Variants in RPS27 observed in about 807,000 individuals in gnomAD.
RPS27 encodes the protein ribosomal protein S27.
A neutral mutation model predicts 11.8 loss-of-function variants in RPS27; 1 was observed. That is an observed-to-expected ratio of 0.08 (90% CI 0.03 to 0.40). The LOEUF (loss-of-function observed/expected upper bound fraction) is 0.40, where lower values mean the gene tolerates loss of function less well. RPS27 is among the 10% of genes least tolerant of loss of function. The pLI is 0.98. For synonymous variants in RPS27, 42 were observed against 33.8 expected (o/e 1.24, Z -0.84); for missense variants, 44 against 100.1 (o/e 0.44, Z 2.39).
chr1:153,991,621 T>G lies in RPS27; in HGVS notation c.171T>G (p.Val57=), dbSNP rs769511722. 1.9e-6 allele frequency: 3 copies of G among 1,613,572 alleles called. No homozygotes were observed. Among genetic ancestry groups the G allele is most frequent in the South Asian group, 1.1e-5 (1 of 91,070 alleles). The change falls in exon 3 of 4, where the codon GTT becomes GTG. Residue 57 remains valine, a synonymous_variant. Transcript: ENST00000651669. ...FSHAQTVVLC[V]GCSTVLCQPT... is the part of the protein sequence containing the mutation. ...ATGCACAAACGGTAGTTTTGTGTGT[T>G]GGCTGCTCCACTGTCCTCTGCCAGC... is the stretch of plus-strand genomic sequence containing the variant.
chr1:153,991,395 T>C, intron 2 of RPS27, 171 bp from the exon 3 acceptor site: 1 of 1,481,592 alleles, frequency 6.7e-7, no homozygotes, highest in Middle Eastern at 2.4e-4. Context: ...ACTGGCAAAG[T>C]TTTGCATCTT....
rs1437374109 is a variant in RPS27, at chr1:153,991,235, G to T, written c.115+12G>T. On this transcript the variant is annotated intron_variant, in intron 2 of 3. Coordinates refer to ENST00000651669, the MANE Select transcript of RPS27 (RefSeq NM_001030.6). Reference sequence around the variant, plus strand: ...TGTGAAATGCCCAGGTGAGGAGACGGCTTGCTGTAGTGGGGAAAGCACTGG... The same window carrying T: ...TGTGAAATGCCCAGGTGAGGAGACGTCTTGCTGTAGTGGGGAAAGCACTGG... The T allele has an allele frequency of 8.8e-6, 14 of 1,587,890 alleles. No homozygotes were observed. Among genetic ancestry groups the T allele is most frequent in the Non-Finnish European group, 1.2e-5 (14 of 1,163,760 alleles).
Position 153,991,463 on chromosome 1 carries a change from G to A in RPS27, c.116-103G>A, listed in dbSNP as rs1649400586. 5.9e-6 allele frequency: 8 copies of A among 1,357,004 alleles called. No homozygotes were observed. The South Asian group carries it at 8.7e-5, about 15-fold the overall frequency. The allele number at this position is 1,357,004 out of a possible 1,614,324, so 84.1% of individuals were successfully genotyped here. Reference sequence around the variant, plus strand: ...ATCACATTTCACATACAACCCCTACGTTTTTTTGTGTTGGGAAACAATGTA... The same window carrying A: ...ATCACATTTCACATACAACCCCTACATTTTTTTGTGTTGGGAAACAATGTA... On this transcript the variant is annotated intron_variant, in intron 2 of 3. Transcript: ENST00000651669.
chr1:153,992,122 A>G lies in RPS27; in HGVS notation c.*29A>G, dbSNP rs986728803. 6 of 1,574,586 alleles carry G rather than the reference A, an allele frequency of 3.8e-6. No individual in the cohort carries two copies. The African/African-American group carries it at 6.7e-5, about 18-fold the overall frequency. On this transcript the variant is annotated 3_prime_UTR_variant, in exon 4 of 4. Coordinates refer to ENST00000651669, the MANE Select transcript of RPS27 (RefSeq NM_001030.6). ...CACTCTGAGTCAAGATGAGTGGGAAACCATCTCAATAAACACATTTTGGAT... is the reference window on the plus strand; with the variant it reads ...CACTCTGAGTCAAGATGAGTGGGAAGCCATCTCAATAAACACATTTTGGAT...
Position 153,992,100 on chromosome 1 carries a change from TC to T in RPS27, c.*8del. The stretch of plus-strand genomic sequence containing the variant: ...CAGGAGGAAGCAGCACTAAAAGCAC[TC>T]TGAGTCAAGATGAGTGGGAAACCAT... On this transcript the variant is annotated 3_prime_UTR_variant, in exon 4 of 4. Coordinates refer to ENST00000651669, the MANE Select transcript of RPS27 (RefSeq NM_001030.6). 1 of 1,609,742 alleles carries T rather than the reference TC, an allele frequency of 6.2e-7. No individual in the cohort carries two copies. Among genetic ancestry groups the T allele is most frequent in the South Asian group, 1.1e-5 (1 of 91,012 alleles).
chr1:153,991,928 C>A, intron 3 of RPS27, 137 bp from the exon 4 acceptor site: 2 of 836,262 alleles, frequency 2.4e-6, no homozygotes, highest in Non-Finnish European at 4.1e-6. Flanking sequence ...ACCAGTGATA[C>A]AAATGCGCAG....
At position 153,990,779 on chromosome 1, in the gene RPS27, A is replaced by C; in HGVS notation, c.-18A>C. On this transcript the variant is annotated 5_prime_UTR_variant, in exon 1 of 4. Coordinates refer to ENST00000651669, the MANE Select transcript of RPS27 (RefSeq NM_001030.6). ...CTTTCGCTCCTTTCCGGCGGTGACGACCTACGCACACGAGAACATGCCTGT... is the reference window on the plus strand; with the variant it reads ...CTTTCGCTCCTTTCCGGCGGTGACGCCCTACGCACACGAGAACATGCCTGT... 2 of 1,614,144 alleles carry C rather than the reference A, an allele frequency of 1.2e-6. No homozygotes were observed. The highest frequency in any genetic ancestry group is 1.7e-6 in the Non-Finnish European group (2 of 1,180,018).
chr1:153,991,441 A>G lies in RPS27; in HGVS notation c.116-125A>G, dbSNP rs545487843. ...ATTCATTTCACCGTGATCTCTCATC[A>G]CATTTCACATACAACCCCTACGTTT... On this transcript the variant is annotated intron_variant, in intron 2 of 3. Transcript: ENST00000651669. 54 of 1,365,316 alleles carry G rather than the reference A, an allele frequency of 4.0e-5. No individual in the cohort carries two copies. In the East Asian group the frequency reaches 1.3e-3, roughly 32 times the overall value. The allele number at this position is 1,365,316 out of a possible 1,614,324, so 84.6% of individuals were successfully genotyped here.
intron 2 of RPS27, 42 bp from the exon 3 acceptor site, chr1:153,991,524 G>A (rs1039395581): frequency 2.0e-5 from 27 of 1,357,044 alleles, no homozygotes; most frequent in Non-Finnish European, 2.3e-5. Context: ...CAGGAAAGAC[G>A]GGTGTAATAG....
intron 1 of RPS27, 147 bp from the exon 2 acceptor site, chr1:153,990,968 G>A (rs1057094988): frequency 1.1e-5 from 13 of 1,218,158 alleles, no homozygotes; most frequent in Middle Eastern, 2.3e-4. Context: ...AGACGGGAGC[G>A]GAGAGGAGAT....
chr1:153,991,727 T>C (rs1212174431), intron 3 of RPS27, 51 bp downstream of exon 3: 2 of 1,207,610 alleles, frequency 1.7e-6, no homozygotes, highest in Non-Finnish European at 2.4e-6. Context: ...TTTTTAGAAA[T>C]GGAAACATTT....
At chr1:153,991,074 C>G in intron 1 of RPS27, 41 bp from the exon 2 acceptor site, 2 of 1,458,274 alleles carry the variant, frequency 1.4e-6, no homozygotes, top group African/African-American at 1.4e-5. Context: ...ATCCCATTTT[C>G]GCTGTTGGTT....
In RPS27 at chr1:153,991,386, C is replaced by T. The variant is rs889481977; in HGVS notation, c.115+163C>T. ...ACTCTTAAAATTTGAATGTATGAGA[C>T]TGGCAAAGTTTTGCATCTTAGGAGG... On this transcript the variant is annotated intron_variant, in intron 2 of 3. Coordinates refer to ENST00000651669, the MANE Select transcript of RPS27 (RefSeq NM_001030.6). 4.9e-5 allele frequency: 74 copies of T among 1,499,646 alleles called. No homozygotes were observed. The Admixed American group carries it at 6.5e-4, about 13-fold the overall frequency. 92.9% of individuals were successfully genotyped at this position (1,499,646 alleles called of 1,614,324 possible).
At chr1:153,991,417 T>C in intron 2 of RPS27, 149 bp from the exon 3 acceptor site, 1 of 1,420,936 alleles carries the variant, frequency 7.0e-7, no homozygotes, top group Non-Finnish European at 9.6e-7. Flanking sequence ...GGAGGAGTGA[T>C]TCATTTCACC....
chr1:153,991,943 CT>C, intron 3 of RPS27, 121 bp from the exon 4 acceptor site: 1 of 924,438 alleles, frequency 1.1e-6, no homozygotes, highest in Non-Finnish European at 1.8e-6. Context: ...GCGCAGGTAG[CT>C]AAGAGTTGAG....
intron 3 of RPS27, 167 bp downstream of exon 3, chr1:153,991,843 T>C (rs570066643): frequency 5.0e-5 from 34 of 673,298 alleles, no homozygotes; most frequent in Non-Finnish European, 8.1e-5. Context: ...CCAAAAGCTA[T>C]GTATTAATCT....
intron 2 of RPS27, 142 bp downstream of exon 2, chr1:153,991,365 T>C (rs1649392707): frequency 6.6e-7 from 1 of 1,510,742 alleles, no homozygotes; most frequent in South Asian, 1.3e-5. Context: ...CCTGATACTC[T>C]TAAAATTTGA....
chr1:153,991,775 C>T (rs1649424859), intron 3 of RPS27, 99 bp downstream of exon 3: 2 of 778,772 alleles, frequency 2.6e-6, no homozygotes, highest in East Asian at 5.1e-5. Context: ...CAGGGATCAT[C>T]TATAATGTAA....
intron 3 of RPS27, 91 bp from the exon 4 acceptor site, chr1:153,991,974 G>A (rs1454211024): frequency 8.7e-7 from 1 of 1,149,026 alleles, no homozygotes; most frequent in East Asian, 2.3e-5. Context: ...GTAGCTTTCT[G>A]TGGGTGGATC....
Sources: gnomAD v4.1 joint callset for allele counts on GRCh38, gnomAD v4.1.1 for gene constraint, MANE v1.5 for transcripts, NCBI Gene and HGNC (gene_info 2026-07-23, HGNC 2026-07-21) for gene names.